CD8B: variants seen among roughly 807,000 people sequenced by gnomAD.
CD8B encodes T-cell surface glycoprotein CD8 beta chain.
A neutral mutation model predicts 24.2 loss-of-function variants in CD8B; 6 were observed. The observed-to-expected ratio is 0.25, with a 90% CI of 0.14 to 0.49. CD8B has a LOEUF of 0.49. Ranked by LOEUF, CD8B falls within the 20% of genes least tolerant of loss-of-function variation. CD8B has a pLI of 0.98. For synonymous variants in CD8B, 84 were observed against 108.3 expected (o/e 0.78, Z 1.39); for missense variants, 196 against 271.3 (o/e 0.72, Z 1.95).
intron 2 of CD8B, among the ~76,000 whole-genome samples, chr2:86,855,989 C>T (rs71211819): frequency 1.3e-4 from 20 of 152,338 alleles, no homozygotes; most frequent in Admixed American, 5.2e-4. Flanking sequence ...AATAAAACTT[C>T]GAGCCCATGA....
At position 86,841,756 on chromosome 2, in the gene CD8B, C is replaced by A. The variant is rs1675436320; in HGVS notation, c.*551G>T. ...ACTCCTATCCTCAAACCCGCAAGTT[C>A]CCGGCCCCAAAGGAAGCCCTCAGAG... On this transcript the variant is annotated 3_prime_UTR_variant, in exon 6 of 6. Transcript: ENST00000390655. The A allele has an allele frequency of 1.0e-6, 1 of 985,558 alleles. No homozygotes were observed. Among genetic ancestry groups the A allele is most frequent in the Non-Finnish European group, 1.2e-6 (1 of 830,044 alleles). 61.1% of individuals were successfully genotyped at this position (985,558 alleles called of 1,614,324 possible).
downstream of CD8B, among the ~76,000 whole-genome samples, chr2:86,833,669 G>A (rs1453555382): frequency 1.1e-5 from 1 of 90,110 alleles, no homozygotes; most frequent in Non-Finnish European, 2.2e-5. Flanking sequence ...TCCTTTTCTT[G>A]GGGGGCAGTG....
chr2:86,833,639 C>CCCTCCCTCCCTCCCTT (rs559210826), downstream of CD8B, among the ~76,000 whole-genome samples: 4 of 76,014 alleles, frequency 5.3e-5, no homozygotes, highest in African/African-American at 8.4e-5. Context: ...CTCCCTCCCT[C>CCCTCCCTCCCTCCCTT]CCTTCCTTCC....
chr2:86,815,429 T>G, downstream of CD8B: 1 of 590,850 alleles, frequency 1.7e-6, no homozygotes, highest in African/African-American at 1.9e-5. Context: ...GGGGGACACT[T>G]TGGGGTTCAC....
intron 5 of CD8B, among the ~76,000 whole-genome samples, chr2:86,831,047 C>A (rs1181486759): frequency 6.6e-6 from 1 of 152,062 alleles, no homozygotes; most frequent in Non-Finnish European, 1.5e-5. Context: ...ATTGTCTCGG[C>A]ACTCTTTATT....
chr2:86,853,177 T>C, intron 2 of CD8B, 91 bp from the exon 3 acceptor site: 1 of 1,543,294 alleles, frequency 6.5e-7, no homozygotes, highest in Non-Finnish European at 8.8e-7. Context: ...GTGCGGTGGC[T>C]CATGCCTGGA....
chr2:86,817,273 G>GA (rs1674289029), intron 5 of CD8B, among the ~76,000 whole-genome samples: 1 of 152,126 alleles, frequency 6.6e-6, no homozygotes, highest in Non-Finnish European at 1.5e-5. Flanking sequence ...TAAAAATGAA[G>GA]ATGCTCTGGC....
Position 86,842,364 on chromosome 2 carries a change from C to G in CD8B, c.621-45G>C, listed in dbSNP as rs368558952. ...GTGAAACCACTTATTTTCAGGCAAA[C>G]GATATTGAATTTCCTGTAACAGAGA... On this transcript the variant is annotated intron_variant, in intron 5 of 5. Transcript: ENST00000390655. 6 of 1,578,324 alleles carry G rather than the reference C, an allele frequency of 3.8e-6. No homozygotes were observed. The African/African-American group carries it at 8.1e-5, about 21-fold the overall frequency.
Position 86,829,929 on chromosome 2 carries a change from C to A in CD8B, c.621-14211G>T, listed in dbSNP as rs116699167. 1.9e-3 allele frequency among the ~76,000 whole-genome samples: 290 copies of A among 152,230 alleles called. 1 individual carries two copies. Among genetic ancestry groups the A allele is most frequent in the African/African-American group, 6.7e-3 (278 of 41,536 alleles). ...AGAATATCTAACGTTTGATAATCTG[C>A]TTTTTAAATTTAATAATGCATTGTG... On this transcript the variant is annotated intron_variant, in intron 5 of 5. Coordinates refer to the CD8B transcript ENST00000331469.
In CD8B at chr2:86,815,762, T is replaced by A. The variant is rs374350926; in HGVS notation, c.621-44A>T. 8.7e-6 allele frequency: 9 copies of A among 1,029,848 alleles called. No homozygotes were observed. In the East Asian group the frequency reaches 2.1e-4, roughly 24 times the overall value. The allele number at this position is 1,029,848 out of a possible 1,614,324, so 63.8% of individuals were successfully genotyped here. ...AGAGAGTCTCAATACATGCACCAAG[T>A]CAAGGTGTTGGTTACTTATTAAGTA... On this transcript the variant is annotated intron_variant, in intron 5 of 5. Coordinates refer to the CD8B transcript ENST00000331469.
downstream of CD8B, among the ~76,000 whole-genome samples, chr2:86,834,822 G>C (rs1675106537): frequency 6.6e-6 from 1 of 151,546 alleles, no homozygotes; most frequent in African/African-American, 2.4e-5. Flanking sequence ...TGGAATCCCA[G>C]CTACTTGGGA....
chr2:86,823,838 A>C (rs1328103335), intron 5 of CD8B, among the ~76,000 whole-genome samples: 1 of 152,154 alleles, frequency 6.6e-6, no homozygotes, highest in East Asian at 1.9e-4. Flanking sequence ...CTGTAAGTGC[A>C]GTGACAGACA....
chr2:86,858,391 C>G lies in CD8B; in HGVS notation c.69G>C (p.Gln23His), dbSNP rs1394552067. 1 of 1,598,812 alleles carries G rather than the reference C, an allele frequency of 6.3e-7. No individual in the cohort carries two copies. The highest frequency in any genetic ancestry group is 1.3e-5 in the African/African-American group (1 of 74,468). The change falls in exon 2 of 6, where the codon CAG becomes CAC. Residue 23 changes from glutamine to histidine, a missense_variant. Gln to His is a conservative substitution (Grantham distance 24, BLOSUM62 0). Coordinates refer to ENST00000390655, the MANE Select transcript of CD8B (RefSeq NM_004931.5). ...GCACCTTTATGTATGCAGGGGTCTGCTGGAGGACTGAGTTGCCATGGAGAA... is the reference window on the plus strand; with the variant it reads ...GCACCTTTATGTATGCAGGGGTCTGGTGGAGGACTGAGTTGCCATGGAGAA... ...LTVLHGNSVL[Q>H]QTPAYIKVQT... is the part of the protein sequence containing the mutation.
chr2:86,833,784 G>A (rs1260687416), downstream of CD8B, among the ~76,000 whole-genome samples: 2 of 151,532 alleles, frequency 1.3e-5, no homozygotes, highest in African/African-American at 2.4e-5. Flanking sequence ...CCTAGTAGCC[G>A]GGACTATAGG....
Position 86,842,147 on chromosome 2 carries a change from A to T in CD8B, c.*160T>A, listed in dbSNP as rs548050497. The T allele has an allele frequency of 1.4e-6, 2 of 1,478,674 alleles. No homozygotes were observed. Among genetic ancestry groups the T allele is most frequent in the East Asian group, 4.9e-5 (2 of 40,920 alleles). The allele number at this position is 1,478,674 out of a possible 1,614,324, so 91.6% of individuals were successfully genotyped here. On this transcript the variant is annotated 3_prime_UTR_variant, in exon 6 of 6. Transcript: ENST00000390655. ...ACCCACGAACAAGTTGCTCCCATGC[A>T]CATCACACACAGAAAGGCCTTGCAG...
At chr2:86,846,830 C>T (rs897542613) in intron 3 of CD8B, 57 bp from the exon 4 acceptor site, 79 of 1,248,792 alleles carry the variant, frequency 6.3e-5, no homozygotes, top group Admixed American at 6.3e-4. Flanking sequence ...GCATGAGACA[C>T]GCAGAAAAAT....
intron 2 of CD8B, among the ~76,000 whole-genome samples, chr2:86,855,706 G>A (rs1451291278): frequency 2.6e-5 from 4 of 152,228 alleles, no homozygotes; most frequent in Admixed American, 2.6e-4. Flanking sequence ...TGGGAGTGTT[G>A]CCTCCTTCAA....
Position 86,838,239 on chromosome 2 carries a change from A to T in CD8B, c.*4068T>A, listed in dbSNP as rs1675256967. On this transcript the variant is annotated 3_prime_UTR_variant, in exon 6 of 6. Transcript: ENST00000390655. ...ACATGATGTAAAAATTCACACAAGG[A>T]ACTGTACAAAGCAGAAGTGGAAATT... Among the ~76,000 whole-genome samples the T allele has an allele frequency of 6.6e-6, 1 of 152,244 alleles. No individual in the cohort carries two copies. The highest frequency in any genetic ancestry group is 2.4e-5 in the African/African-American group (1 of 41,460).
At chr2:86,831,230 G>A (rs1297494712) in intron 5 of CD8B, among the ~76,000 whole-genome samples, 2 of 152,074 alleles carry the variant, frequency 1.3e-5, no homozygotes, top group Admixed American at 6.6e-5. Context: ...CATCATGCCC[G>A]GCTAATTTTT....
Sources: allele counts gnomAD v4.1 joint callset (sites outside exome capture counted in the v4.1 genomes callset), GRCh38; gene constraint gnomAD v4.1.1; transcripts MANE v1.5; gene names NCBI Gene and HGNC (gene_info 2026-07-23, HGNC 2026-07-21).